Variants in ADAMTS12 observed in about 807,000 individuals in gnomAD.
ADAMTS12 encodes ADAM metallopeptidase with thrombospondin type 1 motif 12.
Under a neutral mutation model 167.8 loss-of-function variants are expected in ADAMTS12, and 118 were observed. The ratio of observed to expected loss-of-function variants is 0.70; its 90% CI spans 0.61 to 0.82. The LOEUF is 0.82. Ranked by LOEUF, ADAMTS12 falls within the 40% of genes least tolerant of loss-of-function variation. The pLI is 0.00. For synonymous variants in ADAMTS12, 704 were observed against 716.9 expected (o/e 0.98, Z 0.29); for missense variants, 1,916 against 1,998.8 (o/e 0.96, Z 0.79).
intron 17 of ADAMTS12, among the ~76,000 whole-genome samples, chr5:33,593,652 G>A (rs1280244609): frequency 6.6e-6 from 1 of 152,114 alleles, no homozygotes; most frequent in Non-Finnish European, 1.5e-5. Context: ...GACACAGGGA[G>A]GGGAACATCA....
At chr5:33,873,352 C>T (rs575476883) in intron 2 of ADAMTS12, among the ~76,000 whole-genome samples, 5 of 151,856 alleles carry the variant, frequency 3.3e-5, no homozygotes, top group Non-Finnish European at 5.9e-5. Flanking sequence ...TTAGATACAT[C>T]GAACAAAATA....
intron 2 of ADAMTS12, among the ~76,000 whole-genome samples, chr5:33,871,173 T>C (rs2111735433): frequency 6.6e-6 from 1 of 152,306 alleles, no homozygotes; most frequent in African/African-American, 2.4e-5. Flanking sequence ...AATAGCCCTA[T>C]TAAGAATTAT....
At chr5:33,819,704 C>T (rs1207606033) in intron 2 of ADAMTS12, among the ~76,000 whole-genome samples, 1 of 152,074 alleles carries the variant, frequency 6.6e-6, no homozygotes, top group Admixed American at 6.6e-5. Context: ...ATAAACGATC[C>T]ACTCAGAAGA....
intron 12 of ADAMTS12, among the ~76,000 whole-genome samples, chr5:33,632,758 C>T (rs1434042856): frequency 6.6e-6 from 1 of 152,116 alleles, no homozygotes; most frequent in Non-Finnish European, 1.5e-5. Context: ...TTGGTTTAAA[C>T]TTTAGAATTG....
Position 33,622,425 on chromosome 5 carries a change from G to C in ADAMTS12, c.2143+1806C>G, listed in dbSNP as rs1245720288. On this transcript the variant is annotated intron_variant, in intron 14 of 23. Coordinates refer to ENST00000504830, the MANE Select transcript of ADAMTS12 (RefSeq NM_030955.4). ...AATCCCAGCACTTTGGGAAGCTGAG[G>C]TGGGTGGATCACGAGGTCAAGAGAT... is the stretch of plus-strand genomic sequence containing the variant. Among the ~76,000 whole-genome samples the C allele has an allele frequency of 4.6e-5, 7 of 152,300 alleles. No homozygotes were observed. In the South Asian group the frequency reaches 1.4e-3, roughly 32 times the overall value.
chr5:33,569,225 C>T (rs184162725), intron 19 of ADAMTS12, among the ~76,000 whole-genome samples: 1 of 152,216 alleles, frequency 6.6e-6, no homozygotes, highest in African/African-American at 2.4e-5. Flanking sequence ...CCTGGGCTGA[C>T]AGCTCTGAAG....
At chr5:33,703,183 T>A (rs1042596241) in intron 3 of ADAMTS12, among the ~76,000 whole-genome samples, 1 of 152,240 alleles carries the variant, frequency 6.6e-6, no homozygotes, top group African/African-American at 2.4e-5. Context: ...GTCTTTCTAA[T>A]ACAATACCAG....
intron 9 of ADAMTS12, among the ~76,000 whole-genome samples, chr5:33,646,584 A>G (rs1489574098): frequency 6.6e-6 from 1 of 152,208 alleles, no homozygotes; most frequent in South Asian, 2.1e-4. Context: ...CAAATCAGTA[A>G]CATTTTAAAT....
chr5:33,672,749 G>C (rs1173587082), intron 5 of ADAMTS12, among the ~76,000 whole-genome samples: 2 of 152,202 alleles, frequency 1.3e-5, no homozygotes, highest in Non-Finnish European at 2.9e-5. Flanking sequence ...CTTCATCCTT[G>C]TGGAGAAAGC....
At chr5:33,696,359 T>A (rs1350099518) in intron 3 of ADAMTS12, among the ~76,000 whole-genome samples, 1 of 147,388 alleles carries the variant, frequency 6.8e-6, no homozygotes, top group Non-Finnish European at 1.5e-5. Context: ...AGGCAGAGCT[T>A]GCAGTGAGCC....
intron 14 of ADAMTS12, among the ~76,000 whole-genome samples, chr5:33,617,705 T>G (rs1341276651): frequency 6.6e-6 from 1 of 152,186 alleles, no homozygotes; most frequent in Non-Finnish European, 1.5e-5. Flanking sequence ...TGCCTTTTCA[T>G]ATCAGAGCTC....
chr5:33,658,423 A>G lies in ADAMTS12; in HGVS notation c.1041-90T>C, dbSNP rs1561198997. The G allele has an allele frequency of 4.0e-6, 6 of 1,483,838 alleles. No homozygotes were observed. The East Asian group carries it at 6.9e-5, about 17-fold the overall frequency. 91.9% of individuals were successfully genotyped at this position (1,483,838 alleles called of 1,614,324 possible). On this transcript the variant is annotated intron_variant, in intron 6 of 23. Transcript: ENST00000504830. ...AAATCTGGGTATAAACTCACATTCA[A>G]TATGGTCTGTAAAGTATGCTTGGCA...
At chr5:33,674,120 T>C (rs972648321) in intron 5 of ADAMTS12, among the ~76,000 whole-genome samples, 1 of 152,180 alleles carries the variant, frequency 6.6e-6, no homozygotes, top group African/African-American at 2.4e-5. Context: ...ACAGCAGATA[T>C]ACTGACTGAC....
intron 2 of ADAMTS12, among the ~76,000 whole-genome samples, chr5:33,756,813 A>G (rs781091396): frequency 6.6e-6 from 1 of 152,214 alleles, no homozygotes. Context: ...TCAGGGATAC[A>G]GCAACACAAC....
chr5:33,580,252 C>G (rs1746995550), intron 18 of ADAMTS12, among the ~76,000 whole-genome samples: 1 of 152,206 alleles, frequency 6.6e-6, no homozygotes, highest in South Asian at 2.1e-4. Flanking sequence ...TTAATTGACT[C>G]ACAGTTCTGC....
rs756038671 is a variant in ADAMTS12 at position 33,641,960 on chromosome 5, A to T, written c.1573-5T>A. ...GCACTTGCCTGCCATACACCACTGG[A>T]AAGGGAAGAGGCAGGAGATGGCCGT... is the stretch of plus-strand genomic sequence containing the variant. On this transcript the variant is annotated splice_region_variant and splice_polypyrimidine_tract_variant and intron_variant, in intron 10 of 23. Coordinates refer to ENST00000504830, the MANE Select transcript of ADAMTS12 (RefSeq NM_030955.4). 1.2e-6 allele frequency: 2 copies of T among 1,609,150 alleles called. No homozygotes were observed. Among genetic ancestry groups the T allele is most frequent in the East Asian group, 4.5e-5 (2 of 44,724 alleles).
At chr5:33,671,158 G>A (rs372519719) in intron 5 of ADAMTS12, among the ~76,000 whole-genome samples, 4 of 152,210 alleles carry the variant, frequency 2.6e-5, no homozygotes, top group Non-Finnish European at 4.4e-5. Flanking sequence ...CAGGGATCAG[G>A]TAGGTAGGTG....
At position 33,524,310 on chromosome 5, in the gene ADAMTS12, T is replaced by C. The variant is rs1743708852; in HGVS notation, c.*2878A>G. 6.6e-6 allele frequency: 1 copy of C among 152,352 alleles called. No homozygotes were observed. The highest frequency in any genetic ancestry group is 2.1e-4 in the South Asian group (1 of 4,828). The allele number at this position is 152,352 out of a possible 1,614,324, so 9.4% of individuals were successfully genotyped here. A position where few individuals can be genotyped will look rare whatever the true frequency, so the allele number is the denominator to read the frequency against. ...GTGTGTTTAATTACATTTTCATGTTTAAGAATTATATTAACCCACAACTTT... is the reference window on the plus strand; with the variant it reads ...GTGTGTTTAATTACATTTTCATGTTCAAGAATTATATTAACCCACAACTTT... On this transcript the variant is annotated 3_prime_UTR_variant, in exon 24 of 24. Transcript: ENST00000504830.
chr5:33,760,143 C>T (rs1389956190), intron 2 of ADAMTS12, among the ~76,000 whole-genome samples: 1 of 152,196 alleles, frequency 6.6e-6, no homozygotes, highest in Non-Finnish European at 1.5e-5. Context: ...ATTCTTCCAT[C>T]ATGTGGTGCT....
Sources: gnomAD v4.1 joint callset for allele counts (sites outside exome capture counted in the v4.1 genomes callset) on GRCh38, gnomAD v4.1.1 for gene constraint, MANE v1.5 for transcripts, NCBI Gene and HGNC (gene_info 2026-07-23, HGNC 2026-07-21) for gene names.